SYNDIG1: variants seen among roughly 807,000 people sequenced by gnomAD.
SYNDIG1 encodes the protein synapse differentiation inducing 1, also known as synapse differentiation-inducing gene protein 1.
In SYNDIG1, 9 loss-of-function variants were observed where a neutral mutation model predicts 19.4. The ratio of observed to expected loss-of-function variants is 0.46; its 90% CI spans 0.28 to 0.81. The LOEUF (loss-of-function observed/expected upper bound fraction) is 0.81, where lower values mean the gene tolerates loss of function less well. Ranked by LOEUF, SYNDIG1 falls within the 30% of genes least tolerant of loss-of-function variation. SYNDIG1 has a pLI of 0.12. For missense variants in SYNDIG1, 311 were observed against 343.3 expected (o/e 0.91, Z 0.74); for synonymous variants, 141 against 145.9 (o/e 0.97, Z 0.24).
intron 3 of SYNDIG1, among the ~76,000 whole-genome samples, chr20:24,593,060 T>G (rs1255029259): frequency 6.6e-6 from 1 of 152,176 alleles, no homozygotes; most frequent in Non-Finnish European, 1.5e-5. Flanking sequence ...CTGGAAAAAC[T>G]CAGTTTGTCT....
At chr20:24,484,009 C>T (rs193089822) in intron 1 of SYNDIG1, among the ~76,000 whole-genome samples, 4 of 152,246 alleles carry the variant, frequency 2.6e-5, no homozygotes, top group Admixed American at 1.3e-4. Flanking sequence ...CAGAGGCCTC[C>T]GCGCACCTAG....
At chr20:24,484,606 G>A (rs1297774100) in intron 1 of SYNDIG1, among the ~76,000 whole-genome samples, 1 of 152,120 alleles carries the variant, frequency 6.6e-6, no homozygotes, top group Non-Finnish European at 1.5e-5. Context: ...CCATATCCAG[G>A]AATAGATGTG....
At chr20:24,650,004 T>A (rs1165888594) in intron 3 of SYNDIG1, among the ~76,000 whole-genome samples, 1 of 152,186 alleles carries the variant, frequency 6.6e-6, no homozygotes, top group African/African-American at 2.4e-5. Context: ...AACAGATGGA[T>A]CGCATGGGCA....
chr20:24,607,016 C>T (rs1442813989), intron 3 of SYNDIG1, among the ~76,000 whole-genome samples: 1 of 152,194 alleles, frequency 6.6e-6, no homozygotes, highest in Non-Finnish European at 1.5e-5. Context: ...TTTCTTTCCA[C>T]TCATTTGGCC....
chr20:24,624,763 C>T (rs947414492), intron 3 of SYNDIG1, among the ~76,000 whole-genome samples: 7 of 152,008 alleles, frequency 4.6e-5, no homozygotes, highest in African/African-American at 1.7e-4. Context: ...CTCAGGGGCA[C>T]GTGAAGCAGT....
intron 2 of SYNDIG1, among the ~76,000 whole-genome samples, chr20:24,581,287 C>A (rs2058318338): frequency 6.6e-6 from 1 of 152,000 alleles, no homozygotes; most frequent in Admixed American, 6.6e-5. Flanking sequence ...ACGACAATGA[C>A]AATGAAGATA....
intron 2 of SYNDIG1, among the ~76,000 whole-genome samples, chr20:24,547,354 C>A (rs375016236): frequency 6.6e-6 from 1 of 152,174 alleles, no homozygotes; most frequent in South Asian, 2.1e-4. Flanking sequence ...AGTTTGCCTT[C>A]GAGGTTGTGG....
chr20:24,586,477 C>T (rs1600689404), intron 3 of SYNDIG1, among the ~76,000 whole-genome samples: 1 of 152,194 alleles, frequency 6.6e-6, no homozygotes, highest in South Asian at 2.1e-4. Context: ...CTGGGACACA[C>T]AGGAGCTGGA....
chr20:24,645,406 G>A (rs535430714), intron 3 of SYNDIG1, among the ~76,000 whole-genome samples: 4 of 152,350 alleles, frequency 2.6e-5, no homozygotes, highest in South Asian at 2.1e-4. Flanking sequence ...ACCATTAGAC[G>A]AGAGCCCACG....
intron 1 of SYNDIG1, among the ~76,000 whole-genome samples, chr20:24,492,243 G>A (rs865865329): frequency 6.6e-6 from 1 of 152,190 alleles, no homozygotes; most frequent in Non-Finnish European, 1.5e-5. Context: ...TTCTTGTCAG[G>A]GTTGGGGCTC....
intron 1 of SYNDIG1, among the ~76,000 whole-genome samples, chr20:24,498,325 T>A (rs2056351143): frequency 6.6e-6 from 1 of 152,246 alleles, no homozygotes; most frequent in Non-Finnish European, 1.5e-5. Flanking sequence ...ACACTTAACA[T>A]AAGGTCTACC....
intron 1 of SYNDIG1, among the ~76,000 whole-genome samples, chr20:24,536,726 C>A (rs943448167): frequency 6.6e-6 from 1 of 152,104 alleles, no homozygotes; most frequent in Admixed American, 6.5e-5. Context: ...TGGTCTCAGG[C>A]CCCCCATGTC....
chr20:24,626,881 C>G (rs548687001), intron 3 of SYNDIG1, among the ~76,000 whole-genome samples: 2 of 152,358 alleles, frequency 1.3e-5, no homozygotes, highest in Non-Finnish European at 2.9e-5. Flanking sequence ...GGAGACCAGC[C>G]CGGCCATCAC....
chr20:24,492,967 A>G lies in SYNDIG1; in HGVS notation c.-79+23214A>G, dbSNP rs180679252. On this transcript the variant is annotated intron_variant, in intron 1 of 3. Coordinates refer to ENST00000376862, the MANE Select transcript of SYNDIG1 (RefSeq NM_024893.3). ...TTGGTGGTGATGATCCTGTTGTGCT[A>G]ATTTCACTAATGACTGGAGAAGAGA... is the stretch of plus-strand genomic sequence containing the variant. Among the ~76,000 whole-genome samples, 36 of 152,348 alleles carry G rather than the reference A, an allele frequency of 2.4e-4. No homozygotes were observed. In the East Asian group the frequency reaches 6.8e-3, roughly 29 times the overall value.
Position 24,543,533 on chromosome 20 carries a change from C to G in SYNDIG1, c.436C>G (p.Leu146Val). 1.2e-6 allele frequency: 2 copies of G among 1,606,318 alleles called. No homozygotes were observed. Among genetic ancestry groups the G allele is most frequent in the South Asian group, 2.2e-5 (2 of 91,070 alleles). ...AGCTGATGACATAAAAATCCACACC[C>G]TGTCCTACGATGTGGAGGAGGAGGA... ...LSADDIKIHT[L>V]SYDVEEEEEF... The change falls in exon 2 of 4, where the codon CTG (leucine) becomes GTG (valine). Residue 146 changes from leucine to valine, a missense_variant. Coordinates refer to ENST00000376862, the MANE Select transcript of SYNDIG1 (RefSeq NM_024893.3).
At chr20:24,532,287 G>A (rs548551109) in intron 1 of SYNDIG1, among the ~76,000 whole-genome samples, 1 of 152,118 alleles carries the variant, frequency 6.6e-6, no homozygotes, top group Admixed American at 6.5e-5. Flanking sequence ...CAGTGCTTCC[G>A]TACCATGGAA....
chr20:24,607,460 C>T lies in SYNDIG1; in HGVS notation c.618+22467C>T, dbSNP rs887739222. Among the ~76,000 whole-genome samples, 8 of 152,270 alleles carry T rather than the reference C, an allele frequency of 5.3e-5. No homozygotes were observed. In the South Asian group the frequency reaches 1.2e-3, roughly 24 times the overall value. The stretch of plus-strand genomic sequence containing the variant: ...GGCACCCTGGTTCTGGCCAAAGGGC[C>T]GTCCTCAATGCCTGATTCACCCGGG... On this transcript the variant is annotated intron_variant, in intron 3 of 3. Transcript: ENST00000376862.
At chr20:24,636,544 A>C (rs2059318206) in intron 3 of SYNDIG1, among the ~76,000 whole-genome samples, 1 of 152,074 alleles carries the variant, frequency 6.6e-6, no homozygotes, top group Admixed American at 6.6e-5. Flanking sequence ...GAAGCTGGCC[A>C]CCTCTCCCTA....
intron 3 of SYNDIG1, among the ~76,000 whole-genome samples, chr20:24,664,895 G>A (rs2059634181): frequency 6.6e-6 from 1 of 152,158 alleles, no homozygotes; most frequent in South Asian, 2.1e-4. Context: ...CCTCCAGTGG[G>A]TAGCAGAGAT....
Sources: gnomAD v4.1 joint callset for allele counts (sites outside exome capture counted in the v4.1 genomes callset) on GRCh38, gnomAD v4.1.1 for gene constraint, MANE v1.5 for transcripts, NCBI Gene and HGNC (gene_info 2026-07-23, HGNC 2026-07-21) for gene names.